Variants in NAT1 observed in about 807,000 individuals in gnomAD.
NAT1 encodes the protein arylamine N-acetyltransferase 1.
For missense variants in NAT1, 400 were observed against 339.2 expected, an observed-to-expected ratio of 1.18 and a Z score of -1.41; for synonymous variants, 144 against 122.6, an observed-to-expected ratio of 1.17 and a Z score of -1.16.
chr8:18,195,292 A>G (rs1250302779), intron 2 of NAT1, among the ~76,000 whole-genome samples: 1 of 152,228 alleles, frequency 6.6e-6, no homozygotes, highest in Non-Finnish European at 1.5e-5. Flanking sequence ...AAGGAGGTAG[A>G]GGTCAAAAGC....
intron 1 of NAT1, among the ~76,000 whole-genome samples, chr8:18,216,438 A>G (rs1279774789): frequency 6.6e-6 from 1 of 152,148 alleles, no homozygotes; most frequent in Non-Finnish European, 1.5e-5. Context: ...GAGTCAGGGC[A>G]ATCAATTTGG....
intron 2 of NAT1, among the ~76,000 whole-genome samples, chr8:18,196,518 C>T (rs577666217): frequency 6.6e-6 from 1 of 152,130 alleles, no homozygotes; most frequent in Non-Finnish European, 1.5e-5. Flanking sequence ...CTTTATAGGA[C>T]CTTAAACTAT....
chr8:18,211,575 G>T (rs1804105558), intron 1 of NAT1, among the ~76,000 whole-genome samples: 1 of 152,134 alleles, frequency 6.6e-6, no homozygotes, highest in Non-Finnish European at 1.5e-5. Context: ...CTGGCCTGGT[G>T]CAAGTAACCC....
At chr8:18,176,166 C>A (rs1461163327) in intron 2 of NAT1, among the ~76,000 whole-genome samples, 1 of 151,924 alleles carries the variant, frequency 6.6e-6, no homozygotes, top group Non-Finnish European at 1.5e-5. Context: ...TGGTCTGTTA[C>A]TTCTGTTAAT....
intron 2 of NAT1, among the ~76,000 whole-genome samples, chr8:18,183,671 C>A (rs1802610517): frequency 6.6e-6 from 1 of 152,146 alleles, no homozygotes; most frequent in Non-Finnish European, 1.5e-5. Flanking sequence ...TGAGACGAAT[C>A]CCCTCCCACA....
intron 2 of NAT1, among the ~76,000 whole-genome samples, chr8:18,182,780 T>G (rs1343465856): frequency 6.6e-6 from 1 of 152,190 alleles, no homozygotes; most frequent in African/African-American, 2.4e-5. Flanking sequence ...ACTCAAAAAG[T>G]GTTGGGATTT....
At chr8:18,209,675 G>C (rs1366345495), upstream of NAT1, 1 of 152,140 alleles carries the variant, frequency 6.6e-6, no homozygotes, top group Non-Finnish European at 1.5e-5. Context: ...ATGGATGAAG[G>C]GAAGAAAAAT....
chr8:18,198,084 G>GA (rs1803309370), intron 2 of NAT1, among the ~76,000 whole-genome samples: 1 of 152,044 alleles, frequency 6.6e-6, no homozygotes, highest in Non-Finnish European at 1.5e-5. Context: ...ATGCCTTATA[G>GA]AACTTCTAGA....
At chr8:18,175,383 C>T (rs1192271774) in intron 2 of NAT1, among the ~76,000 whole-genome samples, 2 of 152,060 alleles carry the variant, frequency 1.3e-5, no homozygotes, top group Non-Finnish European at 2.9e-5. Context: ...CTCCTCTCCC[C>T]TAGCTACTGG....
chr8:18,209,208 G>C (rs1803872081), upstream of NAT1, among the ~76,000 whole-genome samples: 1 of 152,242 alleles, frequency 6.6e-6, no homozygotes, highest in African/African-American at 2.4e-5. Flanking sequence ...TATCTAGCCT[G>C]CCTGAGGACA....
At chr8:18,221,115 CT>C (rs1408086136) in intron 2 of NAT1, among the ~76,000 whole-genome samples, 1 of 152,200 alleles carries the variant, frequency 6.6e-6, no homozygotes, top group Non-Finnish European at 1.5e-5. Flanking sequence ...CAGATCTCAT[CT>C]CAGTCCACTC....
chr8:18,172,291 G>C (rs1456450009), intron 2 of NAT1, among the ~76,000 whole-genome samples: 1 of 152,146 alleles, frequency 6.6e-6, no homozygotes, highest in Admixed American at 6.6e-5. Flanking sequence ...TAAGACTGTT[G>C]ACATTTAACT....
intron 2 of NAT1, among the ~76,000 whole-genome samples, chr8:18,189,145 G>T (rs1273649427): frequency 6.6e-6 from 1 of 152,068 alleles, no homozygotes; most frequent in Non-Finnish European, 1.5e-5. Flanking sequence ...CATCAAAGTT[G>T]TCAGATAATT....
chr8:18,180,342 G>T (rs1802464360), intron 2 of NAT1, among the ~76,000 whole-genome samples: 1 of 152,142 alleles, frequency 6.6e-6, no homozygotes, highest in South Asian at 2.1e-4. Context: ...GTTGAGAAAT[G>T]GTTTTTGCAG....
intron 2 of NAT1, among the ~76,000 whole-genome samples, chr8:18,192,106 T>C (rs1298257464): frequency 6.6e-6 from 1 of 151,342 alleles, no homozygotes; most frequent in Non-Finnish European, 1.5e-5. Flanking sequence ...AAAGGGCTAA[T>C]ATCCAGAATC....
chr8:18,196,990 G>C (rs1803260502), intron 2 of NAT1, among the ~76,000 whole-genome samples: 1 of 152,130 alleles, frequency 6.6e-6, no homozygotes. Context: ...AGCTCTGCAG[G>C]CGTTAACGGG....
intron 2 of NAT1, among the ~76,000 whole-genome samples, chr8:18,200,705 A>T (rs1248759534): frequency 6.6e-6 from 1 of 152,178 alleles, no homozygotes; most frequent in Non-Finnish European, 1.5e-5. Context: ...TAATAAAAAA[A>T]CTAAACCACT....
At chr8:18,221,314 T>G (rs78950585) in intron 2 of NAT1, among the ~76,000 whole-genome samples, 6 of 96,128 alleles carry the variant, frequency 6.2e-5, no homozygotes, top group South Asian at 2.7e-4. Context: ...TTTGGTGTGT[T>G]TTTTTTTTTT....
At chr8:18,191,165 C>T (rs1038964776) in intron 2 of NAT1, among the ~76,000 whole-genome samples, 1 of 152,084 alleles carries the variant, frequency 6.6e-6, no homozygotes, top group African/African-American at 2.4e-5. Context: ...TAAAGTCTTC[C>T]ACATTCATAC....
Sources: gnomAD v4.1 joint callset for allele counts (sites outside exome capture counted in the v4.1 genomes callset) on GRCh38, gnomAD v4.1.1 for gene constraint, MANE v1.5 for transcripts, NCBI Gene and HGNC (gene_info 2026-07-23, HGNC 2026-07-21) for gene names.